The following STK40 variants were observed in gnomAD, a reference collection of about 807,000 sequenced individuals.
The protein encoded by STK40 is serine/threonine kinase 40.
Under a neutral mutation model 47.9 loss-of-function variants are expected in STK40, and 13 were observed. That is an observed-to-expected ratio of 0.27 (90% confidence interval 0.18 to 0.43). The LOEUF (loss-of-function observed/expected upper bound fraction) is 0.43, where lower values mean the gene tolerates loss of function less well. Ranked by LOEUF, STK40 falls within the 20% of genes least tolerant of loss-of-function variation. The pLI is 1.00. For missense variants in STK40, 460 were observed against 595.1 expected, an observed-to-expected ratio of 0.77 and a Z score of 2.36; for synonymous variants, 225 against 243.2, an observed-to-expected ratio of 0.93 and a Z score of 0.69.
At chr1:36,345,991 A>ATATATATTTTTTTTTTTTTTTTT in intron 7 of STK40, among the ~76,000 whole-genome samples, 1 of 26,466 alleles carries the variant, frequency 3.8e-5, no homozygotes, top group Non-Finnish European at 6.9e-5. Flanking sequence ...ATATATATAT[A>ATATATATTTTTTTTTTTTTTTTT]TTTTTTTTTT....
At chr1:36,343,511 A>G in intron 9 of STK40, 63 bp from the exon 10 acceptor site, 2 of 1,477,886 alleles carry the variant, frequency 1.4e-6, no homozygotes, top group Non-Finnish European at 1.9e-6. Context: ...TCCCAGACTT[A>G]ACTGGAGTCA....
intron 6 of STK40, among the ~76,000 whole-genome samples, chr1:36,352,191 T>A (rs1570441400): frequency 6.6e-6 from 1 of 152,180 alleles, no homozygotes; most frequent in East Asian, 1.9e-4. Context: ...GGTGTCCTCG[T>A]TGGCCACTCA....
chr1:36,369,724 T>C (rs542868444), intron 1 of STK40, among the ~76,000 whole-genome samples: 1 of 152,336 alleles, frequency 6.6e-6, no homozygotes, highest in Non-Finnish European at 1.5e-5. Flanking sequence ...ACCATTGGTT[T>C]ATCTGTCTGA....
Position 36,355,329 on chromosome 1 carries a change from G to C in STK40, c.447C>G (p.Phe149Leu). 6.2e-7 allele frequency: 1 copy of C among 1,614,208 alleles called. No homozygotes were observed. The highest frequency in any genetic ancestry group is 8.5e-7 in the Non-Finnish European group (1 of 1,180,040). Residue 149 changes from phenylalanine (F) to leucine (L), a missense_variant, in exon 5 of 11, where the codon TTC becomes TTG. Phe to Leu is a conservative substitution (Grantham distance 22). Around this residue, in one of 3 missense-constraint regions of STK40, gnomAD observed 277 missense variants for 358.7 expected, o/e 0.77. Coordinates refer to ENST00000373132, the MANE Select transcript of STK40 (RefSeq NM_001282547.2). Reference sequence around the variant, plus strand: ...TGATGAGGTCAGCGGTCTTATCGCTGAAGTCATGAGCACAGAGGCAGTCCA... The same window carrying C: ...TGATGAGGTCAGCGGTCTTATCGCTCAAGTCATGAGCACAGAGGCAGTCCA... ...LVLDCLCAHD[F>L]SDKTADLINL...
intron 6 of STK40, among the ~76,000 whole-genome samples, chr1:36,350,360 T>C (rs559913485): frequency 6.4e-4 from 98 of 152,174 alleles, no homozygotes; most frequent in African/African-American, 2.2e-3. Context: ...CACTGTGGGT[T>C]TTCTCCCCTG....
intron 6 of STK40, among the ~76,000 whole-genome samples, chr1:36,349,665 G>A (rs963763608): frequency 6.6e-6 from 1 of 152,142 alleles, no homozygotes; most frequent in African/African-American, 2.4e-5. Flanking sequence ...TCTGAAAGGC[G>A]TGGGGCAGGG....
chr1:36,362,564 G>A (rs772731755), intron 1 of STK40: 3 of 152,304 alleles, frequency 2.0e-5, no homozygotes, highest in South Asian at 2.1e-4. Context: ...CCCACCTTAG[G>A]AGTGTAGCCT....
chr1:36,377,467 A>C (rs1000132124), intron 1 of STK40, among the ~76,000 whole-genome samples: 4 of 137,136 alleles, frequency 2.9e-5, no homozygotes. Flanking sequence ...TGGGAGGCGG[A>C]GGTTGCAGTG....
rs1186556674 is a variant in STK40 at position 36,385,338 on chromosome 1, AACT to A, written c.-9+382_-9+384del. ...CTGGCCCTCCCTGGGGACTCGTTCT[AACT>A]ATCAAGTCACCCTCGGGATTAGGAG... On this transcript the variant is annotated intron_variant, in intron 1 of 10. Transcript: ENST00000373132. 3.7e-3 allele frequency among the ~76,000 whole-genome samples: 515 copies of A among 139,484 alleles called. 3 individuals carry two copies. Among genetic ancestry groups the A allele is most frequent in the African/African-American group, 0.017 (488 of 29,508 alleles). The allele number at this position is 139,484 out of a possible 152,430, so 91.5% of individuals were successfully genotyped here.
chr1:36,354,768 T>TTGTGACTAAGTACCAC (rs916436768), intron 5 of STK40, among the ~76,000 whole-genome samples: 10 of 152,154 alleles, frequency 6.6e-5, no homozygotes, highest in African/African-American at 2.2e-4. Context: ...TGTCATGGCT[T>TTGTGACTAAGTACCAC]TGTGACTAAG....
Position 36,341,391 on chromosome 1 carries a change from C to G in STK40, c.*364G>C. 1 of 228,772 alleles carries G rather than the reference C, an allele frequency of 4.4e-6. No individual in the cohort carries two copies. Among genetic ancestry groups the G allele is most frequent in the South Asian group, 5.7e-5 (1 of 17,680 alleles). 14.2% of individuals were successfully genotyped at this position (228,772 alleles called of 1,614,324 possible). On this transcript the variant is annotated 3_prime_UTR_variant, in exon 11 of 11. Transcript: ENST00000373132. ...TATTTGGACTGTGGGGAGCAGCGCCCCAGGTCAGTTGGTGGCCGCTGGGGA... is the reference window on the plus strand; with the variant it reads ...TATTTGGACTGTGGGGAGCAGCGCCGCAGGTCAGTTGGTGGCCGCTGGGGA...
intron 1 of STK40, among the ~76,000 whole-genome samples, chr1:36,367,655 T>A (rs3890769): frequency 0.19 from 29,328 of 151,970 alleles, 4,046 homozygotes; most frequent in African/African-American, 0.38. Flanking sequence ...CCAATCTCCA[T>A]AGGGATGAGG....
At chr1:36,360,504 GTTTTC>G (rs1410297232) in intron 2 of STK40, among the ~76,000 whole-genome samples, 2 of 148,442 alleles carry the variant, frequency 1.3e-5, no homozygotes, top group African/African-American at 2.5e-5. Context: ...TAGATCTTGG[GTTTTC>G]ATTTTATTTT....
At chr1:36,343,738 A>G in intron 9 of STK40, 122 bp downstream of exon 9, 1 of 1,439,168 alleles carries the variant, frequency 6.9e-7, no homozygotes, top group Non-Finnish European at 9.2e-7. Context: ...CCATGCAGAG[A>G]ATCTGGAAAT....
chr1:36,379,817 T>C (rs1647025142), intron 1 of STK40, among the ~76,000 whole-genome samples: 1 of 152,126 alleles, frequency 6.6e-6, no homozygotes, highest in Admixed American at 6.5e-5. Flanking sequence ...TAGAAATTCT[T>C]TAACAATAAT....
intron 6 of STK40, 74 bp downstream of exon 6, chr1:36,354,290 G>A (rs1254435799): frequency 8.0e-5 from 121 of 1,515,352 alleles, no homozygotes; most frequent in Non-Finnish European, 1.1e-4. Context: ...ACACTTCAGG[G>A]CACTGGAGAG....
intron 1 of STK40, among the ~76,000 whole-genome samples, chr1:36,364,814 C>T (rs770806141): frequency 6.6e-6 from 1 of 151,906 alleles, no homozygotes; most frequent in African/African-American, 2.4e-5. Context: ...ATAACATTTA[C>T]ATTTTTTAAA....
At chr1:36,343,227 C>G in intron 10 of STK40, 137 bp downstream of exon 10, 1 of 1,001,742 alleles carries the variant, frequency 1.0e-6, no homozygotes. Flanking sequence ...TCTCCCTTTC[C>G]CACCCCAAGG....
chr1:36,342,878 C>G, intron 10 of STK40: 1 of 396,656 alleles, frequency 2.5e-6, no homozygotes, highest in South Asian at 2.7e-5. Context: ...AAGCCCTGCC[C>G]TCCAGGGGGC....
Sources: allele counts gnomAD v4.1 joint callset (sites outside exome capture counted in the v4.1 genomes callset), GRCh38; gene constraint gnomAD v4.1.1; regional missense constraint gnomAD v4.1.1; transcripts MANE v1.5; gene names NCBI Gene and HGNC (gene_info 2026-07-23, HGNC 2026-07-21).